Variants in NBAS observed in about 807,000 individuals in gnomAD.
NBAS encodes the protein NBAS subunit of NRZ tethering complex, also known as NAG/BC035112 fusion.
NBAS carries 219 observed loss-of-function variants against 302.5 expected under a neutral mutation model. The observed-to-expected ratio is 0.72, with a 90% CI of 0.65 to 0.81. The LOEUF is 0.81. Ranked by LOEUF, NBAS falls within the 30% of genes least tolerant of loss-of-function variation. NBAS has a pLI of 0.00. For missense variants in NBAS, 2,932 were observed against 2,841.6 expected, an observed-to-expected ratio of 1.03 and a Z score of -0.72; for synonymous variants, 1,118 against 1,021.6, an observed-to-expected ratio of 1.09 and a Z score of -1.80.
intron 10 of NBAS, among the ~76,000 whole-genome samples, chr2:15,508,041 A>G (rs1308503528): frequency 6.6e-6 from 1 of 152,218 alleles, no homozygotes; most frequent in African/African-American, 2.4e-5. Context: ...TGCCTGACAA[A>G]AGGAACTAAT....
At chr2:15,519,957 T>C (rs1296193655) in intron 9 of NBAS, among the ~76,000 whole-genome samples, 2 of 152,338 alleles carry the variant, frequency 1.3e-5, no homozygotes, top group East Asian at 1.9e-4. Flanking sequence ...GAATGATTAA[T>C]TATTAAAGAC....
At chr2:14,909,388 A>AAG in the NBAS span, among the ~76,000 whole-genome samples, 1 of 140,524 alleles carries the variant, frequency 7.1e-6, no homozygotes, top group Non-Finnish European at 1.6e-5. Flanking sequence ...AAAAAAAAAA[A>AAG]AGATTTCCCA....
the NBAS span, among the ~76,000 whole-genome samples, chr2:15,142,145 G>C: frequency 6.6e-6 from 1 of 152,192 alleles, no homozygotes; most frequent in African/African-American, 2.4e-5. Context: ...ATGCCAGGAG[G>C]AGTGCATGTC....
chr2:15,378,168 G>A (rs185890630), intron 30 of NBAS, among the ~76,000 whole-genome samples: 145 of 152,238 alleles, frequency 9.5e-4, no homozygotes, highest in African/African-American at 3.3e-3. Flanking sequence ...CAGGGCCTCA[G>A]AAAAATTGTC....
intron 42 of NBAS, among the ~76,000 whole-genome samples, chr2:15,286,312 C>G (rs562900870): frequency 6.6e-6 from 1 of 152,278 alleles, no homozygotes; most frequent in South Asian, 2.1e-4. Flanking sequence ...AACACAGTAG[C>G]CAAAGTGATC....
the NBAS span, among the ~76,000 whole-genome samples, chr2:14,801,360 T>C: frequency 5.9e-5 from 9 of 152,122 alleles, no homozygotes; most frequent in Non-Finnish European, 1.2e-4. Context: ...TTTTAAAAAA[T>C]TTTTTGTGTT....
At chr2:14,899,225 C>T in the NBAS span, among the ~76,000 whole-genome samples, 1 of 152,180 alleles carries the variant, frequency 6.6e-6, no homozygotes, top group Admixed American at 6.5e-5. Context: ...CAGTCCCAGG[C>T]CCAGCCCAGA....
rs1002701933 is a variant in NBAS, at chr2:15,208,726, G to T, written c.6432+10047C>A. On this transcript the variant is annotated intron_variant, in intron 48 of 51. Coordinates refer to ENST00000281513, the MANE Select transcript of NBAS (RefSeq NM_015909.4). ...GTGGCCCAATGAAGAAATGAAGAAG[G>T]AAACTGAAAAATTTCTTGAAACAAA... Among the ~76,000 whole-genome samples, 25 of 151,712 alleles carry T rather than the reference G, an allele frequency of 1.6e-4. 1 individual carries two copies. Among genetic ancestry groups the T allele is most frequent in the African/African-American group, 5.6e-4 (23 of 41,368 alleles).
intron 30 of NBAS, among the ~76,000 whole-genome samples, chr2:15,377,360 A>G (rs940693695): frequency 1.3e-5 from 2 of 152,230 alleles, no homozygotes; most frequent in African/African-American, 4.8e-5. Context: ...GGGAATGGAA[A>G]ATAAACTGGT....
intron 3 of NBAS, among the ~76,000 whole-genome samples, chr2:15,556,315 T>C (rs2148716752): frequency 6.6e-6 from 1 of 152,314 alleles, no homozygotes; most frequent in South Asian, 2.1e-4. Context: ...AATTTCTTTG[T>C]TCTTTCTAAA....
chr2:15,558,492 A>G, intron 2 of NBAS, 88 bp downstream of exon 2: 2 of 936,346 alleles, frequency 2.1e-6, no homozygotes, highest in Non-Finnish European at 3.4e-6. Context: ...AACACACATT[A>G]CTTTTATTAG....
chr2:15,382,846 G>A (rs1675108017), intron 29 of NBAS, among the ~76,000 whole-genome samples: 1 of 152,182 alleles, frequency 6.6e-6, no homozygotes, highest in African/African-American at 2.4e-5. Context: ...GTTGGAAGTA[G>A]GGAAACAAGT....
the NBAS span, among the ~76,000 whole-genome samples, chr2:14,877,426 C>A: frequency 1.3e-5 from 2 of 152,194 alleles, no homozygotes; most frequent in African/African-American, 4.8e-5. Flanking sequence ...GTTCCCTTAT[C>A]AGACCTAGCA....
At chr2:15,084,500 T>G in the NBAS span, among the ~76,000 whole-genome samples, 9 of 152,194 alleles carry the variant, frequency 5.9e-5, no homozygotes, top group African/African-American at 2.2e-4. Flanking sequence ...TACCTCAGAG[T>G]GCCTGGGATG....
At chr2:14,911,991 A>C in the NBAS span, among the ~76,000 whole-genome samples, 6 of 152,204 alleles carry the variant, frequency 3.9e-5, no homozygotes, top group East Asian at 7.7e-4. Flanking sequence ...TATACAGTGC[A>C]CTTCACAAGC....
At chr2:15,131,593 T>A in the NBAS span, among the ~76,000 whole-genome samples, 2 of 152,232 alleles carry the variant, frequency 1.3e-5, no homozygotes, top group African/African-American at 4.8e-5. Context: ...ACTCATTTTT[T>A]TAAAATTTTA....
the NBAS span, among the ~76,000 whole-genome samples, chr2:14,968,580 G>A: frequency 1.1e-3 from 168 of 152,280 alleles, 1 homozygote; most frequent in Non-Finnish European, 2.1e-3. Flanking sequence ...TGCAATTATA[G>A]GGGTGCACTA....
chr2:15,023,773 C>T, the NBAS span, among the ~76,000 whole-genome samples: 4,381 of 98,248 alleles, frequency 0.045, 232 homozygotes, highest in African/African-American at 0.16. Context: ...GGTTGTTTGC[C>T]TTCTTGTCAA....
chr2:15,315,664 A>C (rs948949458), intron 38 of NBAS, among the ~76,000 whole-genome samples: 1 of 152,034 alleles, frequency 6.6e-6, no homozygotes, highest in Non-Finnish European at 1.5e-5. Context: ...CAAGTATACC[A>C]CTCTCCACAG....
Sources: gnomAD v4.1 joint callset for allele counts (sites outside exome capture counted in the v4.1 genomes callset) on GRCh38, gnomAD v4.1.1 for gene constraint, MANE v1.5 for transcripts, NCBI Gene and HGNC (gene_info 2026-07-23, HGNC 2026-07-21) for gene names.